Variants in GAD2 observed in about 807,000 individuals in gnomAD.
The protein encoded by GAD2 is glutamate decarboxylase 2, also known as 65 kDa glutamic acid decarboxylase.
GAD2 carries 22 observed loss-of-function variants against 80.1 expected under a neutral mutation model. The ratio of observed to expected loss-of-function variants is 0.27; its 90% confidence interval spans 0.20 to 0.39. GAD2 has a LOEUF of 0.39. GAD2 is among the 10% of genes least tolerant of loss of function. The pLI is 1.00. For synonymous variants in GAD2, 274 were observed against 256.9 expected, an observed-to-expected ratio of 1.07 and a Z score of -0.64; for missense variants, 624 against 738.4, an observed-to-expected ratio of 0.85 and a Z score of 1.80.
At chr10:26,275,731 T>C (rs879784519) in intron 11 of GAD2, among the ~76,000 whole-genome samples, 1 of 152,214 alleles carries the variant, frequency 6.6e-6, no homozygotes, top group Non-Finnish European at 1.5e-5. Flanking sequence ...ACTTAGGGAA[T>C]GACATTTTTC....
At chr10:26,246,058 T>C (rs1844805715) in intron 8 of GAD2, 58 bp downstream of exon 8, 2 of 1,435,710 alleles carry the variant, frequency 1.4e-6, no homozygotes, top group Non-Finnish European at 2.0e-6. Flanking sequence ...ACACAAGTAG[T>C]GCCTTTTGGT....
chr10:26,217,764 T>C lies in GAD2; in HGVS notation c.137-78T>C. ...CCCAGTCAGCGGAGTCGGGGTTTCC[T>C]GGCTGCGGGTAGGCGGGAGCGAGGG... is the stretch of plus-strand genomic sequence containing the variant. On this transcript the variant is annotated intron_variant, in intron 2 of 15. Coordinates refer to ENST00000376261, the MANE Select transcript of GAD2 (RefSeq NM_001134366.2). The surrounding 1 kb of genome is among the most constrained non-coding windows in gnomAD (Gnocchi z 4.9). 6.3e-7 allele frequency: 1 copy of C among 1,582,612 alleles called. No individual in the cohort carries two copies. The highest frequency in any genetic ancestry group is 8.6e-7 in the Non-Finnish European group (1 of 1,163,326).
intron 6 of GAD2, 47 bp from the exon 7 acceptor site, chr10:26,229,615 T>G: frequency 7.6e-7 from 1 of 1,322,310 alleles, no homozygotes; most frequent in Non-Finnish European, 1.1e-6. Flanking sequence ...GCATGTGAAA[T>G]GAGGTTGATA....
intron 8 of GAD2, among the ~76,000 whole-genome samples, chr10:26,250,753 T>TA (rs1564662747): frequency 2.0e-5 from 3 of 151,496 alleles, no homozygotes; most frequent in Admixed American, 6.6e-5. Flanking sequence ...TCACTTTTTT[T>TA]AAAAAAAAGA....
chr10:26,234,033 A>G (rs1479887942), intron 7 of GAD2, among the ~76,000 whole-genome samples: 1 of 152,132 alleles, frequency 6.6e-6, no homozygotes, highest in Non-Finnish European at 1.5e-5. Flanking sequence ...TTTAAAAAAC[A>G]ACAACCTCAG....
At chr10:26,284,962 G>A (rs1845315704) in intron 12 of GAD2, among the ~76,000 whole-genome samples, 1 of 152,144 alleles carries the variant, frequency 6.6e-6, no homozygotes, top group African/African-American at 2.4e-5. Context: ...ACTCTCTGAG[G>A]TGGTCTTCCT....
intron 15 of GAD2, among the ~76,000 whole-genome samples, chr10:26,296,882 A>C (rs74126411): frequency 0.018 from 2,672 of 152,112 alleles, 80 homozygotes; most frequent in African/African-American, 0.061. Flanking sequence ...TATTAAGTGC[A>C]ATAGAGGATT....
intron 15 of GAD2, 129 bp downstream of exon 15, chr10:26,293,120 A>C: frequency 1.5e-6 from 1 of 647,958 alleles, no homozygotes; most frequent in Non-Finnish European, 2.7e-6. Context: ...CCGTCTGTGG[A>C]CTCCTACAGA....
At chr10:26,219,377 CA>C (rs1564654734) in intron 4 of GAD2, 101 bp downstream of exon 4, 2 of 745,216 alleles carry the variant, frequency 2.7e-6, no homozygotes, top group Non-Finnish European at 2.1e-6. Context: ...CTGATATTTT[CA>C]AAATTGCAAA....
At chr10:26,299,837 T>C (rs1486558884) in intron 15 of GAD2, among the ~76,000 whole-genome samples, 1 of 152,160 alleles carries the variant, frequency 6.6e-6, no homozygotes, top group Non-Finnish European at 1.5e-5. Context: ...ATAGCAGTTG[T>C]AGGACTGTGG....
In GAD2 at chr10:26,292,972, G is replaced by C; in HGVS notation, c.1565G>C (p.Arg522Thr). Residue 522 changes from arginine (R) to threonine (T), a missense_variant, in exon 15 of 16, where the codon AGA (arginine) becomes ACA (threonine). Arg to Thr is a moderately conservative substitution (Grantham distance 71, BLOSUM62 -1). Coordinates refer to ENST00000376261, the MANE Select transcript of GAD2 (RefSeq NM_001134366.2). Reference sequence around the variant, plus strand: ...CGTACTCTGGAAGACAATGAAGAGAGAATGAGTCGCCTCTCGAAGGTCAGT... The same window carrying C: ...CGTACTCTGGAAGACAATGAAGAGACAATGAGTCGCCTCTCGAAGGTCAGT... ...SLRTLEDNEE[R>T]MSRLSKVAPV... 3 of 1,613,594 alleles carry C rather than the reference G, an allele frequency of 1.9e-6. No individual in the cohort carries two copies. The highest frequency in any genetic ancestry group is 2.5e-6 in the Non-Finnish European group (3 of 1,179,758).
At position 26,292,973 on chromosome 10, in the gene GAD2, A is replaced by G. The variant is rs1433357192; in HGVS notation, c.1566A>G (p.Arg522=). Residue 522 remains arginine, a synonymous_variant, in exon 15 of 16, where the codon AGA becomes AGG. Coordinates refer to ENST00000376261, the MANE Select transcript of GAD2 (RefSeq NM_001134366.2). ...GTACTCTGGAAGACAATGAAGAGAG[A>G]ATGAGTCGCCTCTCGAAGGTCAGTG... ...SLRTLEDNEE[R]MSRLSKVAPV... is the part of the protein sequence containing the mutation. The G allele has an allele frequency of 2.5e-6, 4 of 1,613,574 alleles. No individual in the cohort carries two copies. In the East Asian group the frequency reaches 6.7e-5, roughly 27 times the overall value.
chr10:26,245,477 T>G (rs531615946), intron 7 of GAD2, among the ~76,000 whole-genome samples: 1 of 151,980 alleles, frequency 6.6e-6, no homozygotes, highest in South Asian at 2.1e-4. Context: ...CACTCTTGTC[T>G]CCCAAGTTGG....
intron 3 of GAD2, among the ~76,000 whole-genome samples, chr10:26,218,549 T>TCACACACACACACACACACA: frequency 1.7e-5 from 1 of 57,384 alleles, no homozygotes; most frequent in South Asian, 7.8e-4. Context: ...TCTCTCTCTC[T>TCACACACACACACACACACA]CTCACACACA....
chr10:26,241,714 C>CA (rs970334238), intron 7 of GAD2, among the ~76,000 whole-genome samples: 17 of 152,122 alleles, frequency 1.1e-4, no homozygotes, highest in African/African-American at 3.6e-4. Flanking sequence ...GGTGGAAGTA[C>CA]AAAAAATTGA....
intron 7 of GAD2, among the ~76,000 whole-genome samples, chr10:26,234,157 C>G (rs1200462512): frequency 6.6e-6 from 1 of 152,196 alleles, no homozygotes; most frequent in East Asian, 1.9e-4. Context: ...AACCCCGTCT[C>G]TACTGAAAAT....
intron 8 of GAD2, among the ~76,000 whole-genome samples, chr10:26,265,228 G>A (rs1011604614): frequency 6.2e-5 from 9 of 145,342 alleles, no homozygotes; most frequent in Admixed American, 1.4e-4. Context: ...TTTTTTAGAC[G>A]GAGTCTCACT....
At chr10:26,257,388 A>C (rs965923652) in intron 8 of GAD2, among the ~76,000 whole-genome samples, 1 of 152,186 alleles carries the variant, frequency 6.6e-6, no homozygotes, top group Non-Finnish European at 1.5e-5. Flanking sequence ...AGAAAAGAAC[A>C]AATTAATATG....
intron 3 of GAD2, among the ~76,000 whole-genome samples, chr10:26,218,551 T>TCTCACACACACACACA (rs748110324): frequency 0.011 from 1,248 of 118,808 alleles, 22 homozygotes; most frequent in East Asian, 0.064. Flanking sequence ...TCTCTCTCTC[T>TCTCACACACACACACA]CACACACACA....
Sources: allele counts gnomAD v4.1 joint callset (sites outside exome capture counted in the v4.1 genomes callset), GRCh38; gene constraint gnomAD v4.1.1; non-coding constraint Gnocchi (gnomAD v3.1); transcripts MANE v1.5; gene names NCBI Gene and HGNC (gene_info 2026-07-23, HGNC 2026-07-21).